Variants in RBM25 observed in about 807,000 individuals in gnomAD.
RBM25 encodes RNA binding motif protein 25.
In RBM25, 19 loss-of-function variants were observed where a neutral mutation model predicts 120.7. The observed-to-expected ratio is 0.16, with a 90% CI of 0.11 to 0.23. RBM25 has a LOEUF of 0.23. Ranked by LOEUF, RBM25 falls within the 10% of genes least tolerant of loss-of-function variation. The probability of loss-of-function intolerance (pLI) is 1.00; values close to 1 mark genes in which losing one functional copy is unlikely to be tolerated. For missense variants in RBM25, 605 were observed against 1,041.5 expected (o/e 0.58, Z 5.77); for synonymous variants, 390 against 326.7 (o/e 1.19, Z -2.09).
At chr14:73,084,470 C>T (rs545491802) in intron 5 of RBM25, among the ~76,000 whole-genome samples, 1 of 152,220 alleles carries the variant, frequency 6.6e-6, no homozygotes, top group South Asian at 2.1e-4. Context: ...TATAATTTGC[C>T]ATTAATCTAT....
At chr14:73,065,028 GCAA>G (rs1334718527) in intron 1 of RBM25, 2 of 150,114 alleles carry the variant, frequency 1.3e-5, no homozygotes, top group African/African-American at 4.9e-5. Flanking sequence ...TCGGCTCACT[GCAA>G]CATCTGCCTC....
chr14:73,082,353 A>G (rs116611824), intron 4 of RBM25, among the ~76,000 whole-genome samples: 3,447 of 152,122 alleles, frequency 0.023, 135 homozygotes, highest in African/African-American at 0.076. Context: ...GCATAGTGGC[A>G]TGATTACAGC....
Position 73,121,134 on chromosome 14 carries a change from T to C in RBM25, c.*1329T>C, listed in dbSNP as rs1192993131. 1 of 152,502 alleles carries C rather than the reference T, an allele frequency of 6.6e-6. No homozygotes were observed. Among genetic ancestry groups the C allele is most frequent in the African/African-American group, 2.4e-5 (1 of 41,404 alleles). The allele number at this position is 152,502 out of a possible 1,614,324, so 9.4% of individuals were successfully genotyped here. ...AACTGTTCCCATGTCTGAGTACTTA[T>C]TTAAAAGAAAGGTAAAGATTGGCCT... is the stretch of plus-strand genomic sequence containing the variant. On this transcript the variant is annotated 3_prime_UTR_variant, in exon 19 of 19. Coordinates refer to ENST00000261973, the MANE Select transcript of RBM25 (RefSeq NM_021239.3).
At chr14:73,068,721 C>G (rs546353606) in intron 1 of RBM25, 1 of 299,126 alleles carries the variant, frequency 3.3e-6, no homozygotes, top group Admixed American at 4.3e-5. Context: ...CCTCTCATTA[C>G]TGCAGCCACC....
intron 4 of RBM25, among the ~76,000 whole-genome samples, chr14:73,080,641 G>C (rs1895538704): frequency 6.6e-6 from 1 of 151,940 alleles, no homozygotes; most frequent in South Asian, 2.1e-4. Flanking sequence ...GATATTATCT[G>C]TTGACATGTT....
intron 10 of RBM25, among the ~76,000 whole-genome samples, chr14:73,104,507 A>C (rs1896138352): frequency 6.6e-6 from 1 of 151,832 alleles, no homozygotes. Flanking sequence ...CTGGGACTAC[A>C]GGCACACACC....
chr14:73,082,907 T>A lies in RBM25; in HGVS notation c.325-587T>A, dbSNP rs867303216. ...AAACCCCGTCTCTACTAAAAATAAA[T>A]AAAAAAAAAAAAACAAAAAACAATT... On this transcript the variant is annotated intron_variant, in intron 4 of 18. Coordinates refer to ENST00000261973, the MANE Select transcript of RBM25 (RefSeq NM_021239.3). Among the ~76,000 whole-genome samples the A allele has an allele frequency of 8.2e-3, 1,134 of 137,824 alleles. 16 individuals carry two copies. Among genetic ancestry groups the A allele is most frequent in the African/African-American group, 0.029 (1,085 of 37,478 alleles). The allele number at this position is 137,824 out of a possible 152,430, so 90.4% of individuals were successfully genotyped here.
chr14:73,066,917 A>G (rs765726829), intron 1 of RBM25, among the ~76,000 whole-genome samples: 18 of 152,158 alleles, frequency 1.2e-4, no homozygotes, highest in Non-Finnish European at 2.2e-4. Context: ...AGTATATTTT[A>G]CTTATGAAAT....
intron 5 of RBM25, among the ~76,000 whole-genome samples, chr14:73,086,611 T>C (rs1423033892): frequency 6.6e-6 from 1 of 152,204 alleles, no homozygotes; most frequent in Non-Finnish European, 1.5e-5. Flanking sequence ...GATGATAAAC[T>C]ATTAATTACT....
intron 1 of RBM25, among the ~76,000 whole-genome samples, chr14:73,060,079 G>T (rs1894965178): frequency 6.6e-6 from 1 of 151,164 alleles, no homozygotes; most frequent in Non-Finnish European, 1.5e-5. Context: ...TTGCTGTGTT[G>T]CCCAGGCTGG....
intron 10 of RBM25, among the ~76,000 whole-genome samples, chr14:73,103,895 CTG>C (rs1306747861): frequency 3.0e-5 from 3 of 100,652 alleles, no homozygotes; most frequent in African/African-American, 1.5e-4. Context: ...GTCTGTCTGT[CTG>C]TCTGTCTGTC....
At chr14:73,069,742 T>G (rs1486235302) in intron 1 of RBM25, 1 of 29,860 alleles carries the variant, frequency 3.3e-5, no homozygotes, top group Non-Finnish European at 6.1e-5. Flanking sequence ...CCGACCCTGT[T>G]TCTTAAAAAA....
chr14:73,115,018 A>G (rs985874677), intron 18 of RBM25, among the ~76,000 whole-genome samples: 1 of 152,242 alleles, frequency 6.6e-6, no homozygotes, highest in Non-Finnish European at 1.5e-5. Flanking sequence ...AGATAGGTAT[A>G]CAGGTACTGG....
intron 4 of RBM25, among the ~76,000 whole-genome samples, chr14:73,082,752 A>G (rs369302513): frequency 5.5e-4 from 83 of 152,136 alleles, no homozygotes; most frequent in African/African-American, 2.0e-3. Flanking sequence ...TGCATACCGT[A>G]TCAAGCGTTT....
intron 1 of RBM25, among the ~76,000 whole-genome samples, chr14:73,066,345 C>T (rs1433048787): frequency 9.2e-5 from 14 of 151,990 alleles, no homozygotes. Context: ...TATATTAAAT[C>T]CTCCTAAGGG....
chr14:73,078,077 C>T (rs1325463266), intron 4 of RBM25, among the ~76,000 whole-genome samples: 2 of 151,978 alleles, frequency 1.3e-5, no homozygotes, highest in African/African-American at 4.8e-5. Context: ...CCGAGGTGGG[C>T]AGATCATTTG....
intron 4 of RBM25, among the ~76,000 whole-genome samples, chr14:73,078,651 G>A (rs1895482864): frequency 6.6e-6 from 1 of 152,138 alleles, no homozygotes; most frequent in Admixed American, 6.5e-5. Flanking sequence ...TGTCACACAG[G>A]CTGAATGAAG....
At chr14:73,073,839 C>G (rs2140429041) in intron 2 of RBM25, among the ~76,000 whole-genome samples, 1 of 152,340 alleles carries the variant, frequency 6.6e-6, no homozygotes, top group East Asian at 1.9e-4. Context: ...TTGTTATCAT[C>G]TGCTGCCAGA....
At chr14:73,094,637 T>C (rs1347328503) in intron 6 of RBM25, among the ~76,000 whole-genome samples, 2 of 152,096 alleles carry the variant, frequency 1.3e-5, no homozygotes, top group Non-Finnish European at 2.9e-5. Flanking sequence ...TTCACCATGT[T>C]AGCCAGGATG....
Sources: allele counts gnomAD v4.1 joint callset (sites outside exome capture counted in the v4.1 genomes callset), GRCh38; gene constraint gnomAD v4.1.1; transcripts MANE v1.5; gene names NCBI Gene and HGNC (gene_info 2026-07-23, HGNC 2026-07-21).